The following DRC11 variants were observed in gnomAD, a reference collection of about 807,000 sequenced individuals.
DRC11 encodes IQ and AAA domain-containing protein 1.
chr2:236,312,953 T>C, the DRC11 span, among the ~76,000 whole-genome samples: 9 of 152,030 alleles, frequency 5.9e-5, no homozygotes, highest in Admixed American at 2.0e-4. Flanking sequence ...CTAGATGAAA[T>C]AGACAAATTC....
the DRC11 span, among the ~76,000 whole-genome samples, chr2:236,491,181 A>G: frequency 2.1e-4 from 10 of 48,322 alleles, no homozygotes; most frequent in Non-Finnish European, 1.9e-4. Flanking sequence ...ATATATATAT[A>G]CACACAGTAT....
At chr2:236,488,427 T>G in the DRC11 span, among the ~76,000 whole-genome samples, 1 of 152,220 alleles carries the variant, frequency 6.6e-6, no homozygotes, top group Admixed American at 6.5e-5. Flanking sequence ...TCCTTTATCC[T>G]TCTGAACAAA....
the DRC11 span, among the ~76,000 whole-genome samples, chr2:236,468,282 G>A: frequency 6.6e-6 from 1 of 152,096 alleles, no homozygotes. Context: ...TGTAGAGATG[G>A]GGTCTTGCCA....
the DRC11 span, among the ~76,000 whole-genome samples, chr2:236,501,552 G>A: frequency 6.6e-6 from 1 of 152,146 alleles, no homozygotes; most frequent in African/African-American, 2.4e-5. Context: ...AGATGATTGA[G>A]ATGATCAAGG....
At chr2:236,365,463 G>A in the DRC11 span, among the ~76,000 whole-genome samples, 1 of 152,058 alleles carries the variant, frequency 6.6e-6, no homozygotes, top group Non-Finnish European at 1.5e-5. This position sits in a 1 kb window ranked among gnomAD's most constrained non-coding sequence, Gnocchi z 7.4. Context: ...GGAGGGGTGA[G>A]GAGCCAGCGG....
the DRC11 span, among the ~76,000 whole-genome samples, chr2:236,337,802 G>T: frequency 6.8e-6 from 1 of 146,966 alleles, no homozygotes; most frequent in Non-Finnish European, 1.5e-5. The surrounding 1 kb of genome is among the most constrained non-coding windows in gnomAD (Gnocchi z 4.9). Context: ...TGGACTTTGA[G>T]ACTGGAAGAA....
chr2:236,399,300 A>C, the DRC11 span: 2 of 917,516 alleles, frequency 2.2e-6, no homozygotes, highest in South Asian at 2.9e-5. This position sits in a 1 kb window ranked among gnomAD's most constrained non-coding sequence, Gnocchi z 7.0. Flanking sequence ...AGGAAATTTA[A>C]AATAGAGACA....
At chr2:236,440,285 G>A in the DRC11 span, among the ~76,000 whole-genome samples, 1 of 152,154 alleles carries the variant, frequency 6.6e-6, no homozygotes, top group Non-Finnish European at 1.5e-5. Context: ...ATAGCGCAGG[G>A]CTTTAGAGGA....
At chr2:236,307,602 C>T in the DRC11 span, among the ~76,000 whole-genome samples, 1 of 152,196 alleles carries the variant, frequency 6.6e-6, no homozygotes, top group African/African-American at 2.4e-5. This position sits in a 1 kb window ranked among gnomAD's most constrained non-coding sequence, Gnocchi z 7.0. Context: ...AGCGTCCTAA[C>T]AGTGGCCCAA....
chr2:236,344,598 C>T, the DRC11 span: 1 of 1,613,798 alleles, frequency 6.2e-7, no homozygotes, highest in Admixed American at 1.7e-5. Flanking sequence ...AAGGTTTTTT[C>T]TGTGTCTTCA....
chr2:236,488,653 T>G, the DRC11 span, among the ~76,000 whole-genome samples: 3 of 152,342 alleles, frequency 2.0e-5, no homozygotes, highest in Non-Finnish European at 4.4e-5. Context: ...GAATGCCCAG[T>G]GAATACAACT....
chr2:236,491,124 T>C, the DRC11 span, among the ~76,000 whole-genome samples: 1 of 65,930 alleles, frequency 1.5e-5, no homozygotes, highest in Non-Finnish European at 2.9e-5. Flanking sequence ...ATACAGTGTG[T>C]ATATATATAT....
chr2:236,409,899 G>C, the DRC11 span, among the ~76,000 whole-genome samples: 1 of 152,140 alleles, frequency 6.6e-6, no homozygotes, highest in African/African-American at 2.4e-5. Context: ...CTGTTTATAT[G>C]ATGGATTACA....
chr2:236,474,430 A>G, the DRC11 span, among the ~76,000 whole-genome samples: 9 of 152,184 alleles, frequency 5.9e-5, no homozygotes, highest in African/African-American at 2.2e-4. Context: ...AGCATGAACA[A>G]ACTGTGTTTA....
the DRC11 span, among the ~76,000 whole-genome samples, chr2:236,344,821 C>A: frequency 6.8e-6 from 1 of 147,776 alleles, no homozygotes; most frequent in Admixed American, 6.7e-5. Context: ...TGTGCAGAGC[C>A]CTGGTTGTAA....
chr2:236,336,367 C>T, the DRC11 span, among the ~76,000 whole-genome samples: 1 of 152,094 alleles, frequency 6.6e-6, no homozygotes, highest in East Asian at 1.9e-4. This position sits in a 1 kb window ranked among gnomAD's most constrained non-coding sequence, Gnocchi z 7.3. Flanking sequence ...GAAGGAAGAA[C>T]AGAAACCAAG....
chr2:236,306,784 T>C, the DRC11 span, among the ~76,000 whole-genome samples: 2 of 152,186 alleles, frequency 1.3e-5, no homozygotes, highest in Admixed American at 6.5e-5. This position sits in a 1 kb window ranked among gnomAD's most constrained non-coding sequence, Gnocchi z 5.9. Flanking sequence ...AATTTTCTAT[T>C]CCTAAGCATT....
At chr2:236,439,325 A>G in the DRC11 span, among the ~76,000 whole-genome samples, 2 of 152,318 alleles carry the variant, frequency 1.3e-5, no homozygotes, top group South Asian at 4.2e-4. Flanking sequence ...CCTCTAGCAG[A>G]CTATTATAGT....
At chr2:236,493,886 T>C in the DRC11 span, 2 of 1,596,156 alleles carry the variant, frequency 1.3e-6, no homozygotes, top group Non-Finnish European at 1.7e-6. Flanking sequence ...ATCTAATTGT[T>C]GCTAGAGAAG....
Sources: gnomAD v4.1 joint callset for allele counts (sites outside exome capture counted in the v4.1 genomes callset) on GRCh38, gnomAD v4.1.1 for gene constraint, Gnocchi (gnomAD v3.1) non-coding constraint, MANE v1.5 for transcripts, NCBI Gene and HGNC (gene_info 2026-07-23, HGNC 2026-07-21) for gene names.